The following SMAD9 variants were observed in gnomAD, a reference collection of about 807,000 sequenced individuals.
The protein encoded by SMAD9 is SMAD family member 9.
Under a neutral mutation model 46.1 loss-of-function variants are expected in SMAD9, and 36 were observed. That is an observed-to-expected ratio of 0.78 (90% CI 0.60 to 1.03). The LOEUF (loss-of-function observed/expected upper bound fraction) is 1.03. Ranked by LOEUF, SMAD9 falls within the 50% of genes least tolerant of loss-of-function variation. SMAD9 has a pLI of 0.00. For missense variants in SMAD9, 572 were observed against 599.8 expected (o/e 0.95, Z 0.48); for synonymous variants, 245 against 237.1 (o/e 1.03, Z -0.31).
chr13:36,894,656 C>T (rs567148432), intron 1 of SMAD9, among the ~76,000 whole-genome samples: 11 of 152,208 alleles, frequency 7.2e-5, no homozygotes, highest in Middle Eastern at 3.4e-3. Flanking sequence ...TCTTCCTCTC[C>T]CCTCTTTTAG....
intron 1 of SMAD9, among the ~76,000 whole-genome samples, chr13:36,900,625 T>C (rs1298990568): frequency 6.6e-6 from 1 of 151,292 alleles, no homozygotes; most frequent in Non-Finnish European, 1.5e-5. Flanking sequence ...TACCTTACTA[T>C]CAACCTTTCC....
chr13:36,876,609 C>T (rs1013975682), intron 2 of SMAD9, among the ~76,000 whole-genome samples: 4 of 152,086 alleles, frequency 2.6e-5, no homozygotes, highest in Middle Eastern at 3.4e-3. Context: ...TAAAAGTGTT[C>T]GTTTGAAGGA....
intron 1 of SMAD9, among the ~76,000 whole-genome samples, chr13:36,885,852 T>TA (rs1355280794): frequency 6.6e-6 from 1 of 151,816 alleles, no homozygotes. Flanking sequence ...CCAAAAAGGT[T>TA]AAAAAAACAA....
chr13:36,894,748 C>T (rs1324409239), intron 1 of SMAD9, among the ~76,000 whole-genome samples: 1 of 152,112 alleles, frequency 6.6e-6, no homozygotes, highest in Non-Finnish European at 1.5e-5. Context: ...TGTGTGGCAT[C>T]ATGCTGATTG....
chr13:36,853,623 GTCAC>G lies in SMAD9; in HGVS notation c.1052_1055del (p.Ser351ThrfsTer57). The G allele has an allele frequency of 6.2e-7, 1 of 1,614,080 alleles. No homozygotes were observed. The highest frequency in any genetic ancestry group is 8.5e-7 in the Non-Finnish European group (1 of 1,179,974). ...TCCGGCTCTGCACAAAGATGCTGCTGTCACTCACGCACTCGGCATACACCTCTCC... is the reference window on the plus strand; with the variant it reads ...TCCGGCTCTGCACAAAGATGCTGCTGTCACGCACTCGGCATACACCTCTCC... On this transcript the variant is annotated frameshift_variant, in exon 6 of 7. Transcript: ENST00000379826. LOFTEE classifies it high-confidence loss of function.
chr13:36,911,619 G>GCC (rs1566042965), intron 1 of SMAD9, among the ~76,000 whole-genome samples: 2 of 61,040 alleles, frequency 3.3e-5, no homozygotes, highest in African/African-American at 2.5e-4. Flanking sequence ...GCTGCCTGGG[G>GCC]GGGGGGGGGG....
intron 5 of SMAD9, among the ~76,000 whole-genome samples, chr13:36,857,178 T>C (rs371754059): frequency 3.3e-5 from 5 of 150,232 alleles, no homozygotes; most frequent in African/African-American, 1.0e-4. Flanking sequence ...ATTCTGACAG[T>C]TCTGTATGAA....
At chr13:36,901,805 G>A (rs1178689113) in intron 1 of SMAD9, among the ~76,000 whole-genome samples, 11 of 152,098 alleles carry the variant, frequency 7.2e-5, no homozygotes, top group Non-Finnish European at 1.3e-4. Context: ...TGTCTTCTTT[G>A]GAAAAATATC....
Position 36,848,262 on chromosome 13 carries a change from ATC to A in SMAD9, c.*412_*413del. On this transcript the variant is annotated 3_prime_UTR_variant, in exon 7 of 7. Coordinates refer to ENST00000379826, the MANE Select transcript of SMAD9 (RefSeq NM_001127217.3). ...TGTAGGGGTTTCACTGCTTTGTTTC[ATC>A]TGAGTGATATTTGCTTTAGTGCTGC... 1 of 186,434 alleles carries A rather than the reference ATC, an allele frequency of 5.4e-6. No homozygotes were observed. Among genetic ancestry groups the A allele is most frequent in the Admixed American group, 5.5e-5 (1 of 18,286 alleles). 11.5% of individuals were successfully genotyped at this position (186,434 alleles called of 1,614,324 possible). A position where few individuals can be genotyped will look rare whatever the true frequency, so the allele number is the denominator to read the frequency against.
intron 1 of SMAD9, among the ~76,000 whole-genome samples, chr13:36,911,689 C>T (rs980074814): frequency 2.0e-5 from 3 of 147,384 alleles, no homozygotes; most frequent in Admixed American, 6.9e-5. Context: ...AACTGCTGTT[C>T]GGGGAAGCTC....
intron 1 of SMAD9, among the ~76,000 whole-genome samples, chr13:36,917,060 A>G (rs2058703805): frequency 6.6e-6 from 1 of 152,126 alleles, no homozygotes; most frequent in Non-Finnish European, 1.5e-5. Flanking sequence ...AGGAGAGCAG[A>G]ATACAAGTCA....
chr13:36,879,133 C>T, intron 2 of SMAD9, 145 bp downstream of exon 2: 1 of 717,220 alleles, frequency 1.4e-6, no homozygotes, highest in Non-Finnish European at 2.3e-6. Flanking sequence ...TTGGACGAGT[C>T]CCTCAAAACT....
At position 36,848,725 on chromosome 13, in the gene SMAD9, A is replaced by C. The variant is rs775335117; in HGVS notation, c.1355T>G (p.Val452Gly). The C allele has an allele frequency of 4.3e-6, 7 of 1,614,182 alleles. No homozygotes were observed. Among genetic ancestry groups the C allele is most frequent in the Non-Finnish European group, 5.9e-6 (7 of 1,180,004 alleles). The change falls in exon 7 of 7, where the codon GTT becomes GGT. Residue 452 changes from valine to glycine, a missense_variant. Physicochemically the swap from Val to Gly is moderately radical, Grantham distance 109 (BLOSUM62 -3). Coordinates refer to ENST00000379826, the MANE Select transcript of SMAD9 (RefSeq NM_001127217.3). ...LHGPLQWLDK[V>G]LTQMGSPHNP... The stretch of plus-strand genomic sequence containing the variant: ...ATGTGGAGAGCCCATCTGAGTCAGA[A>C]CTTTGTCCAGCCACTGCAGTGGCCC...
Position 36,865,548 on chromosome 13 carries a change from T to C in SMAD9, c.992A>G (p.His331Arg). 6.2e-7 allele frequency: 1 copy of C among 1,612,766 alleles called. No individual in the cohort carries two copies. The highest frequency in any genetic ancestry group is 8.5e-7 in the Non-Finnish European group (1 of 1,178,840). ...ATCTTTGCTCTTACCCTTTCCTATA[T>C]GTCTCCTGGTATTTTCTATCGTTGA... ...RNSTIENTRR[H>R]IGKGVHLYYV... Residue 331 changes from histidine to arginine, a missense_variant, in exon 5 of 7, where the codon CAT (histidine) becomes CGT (arginine). Transcript: ENST00000379826.
chr13:36,879,838 T>C lies in SMAD9; in HGVS notation c.-149A>G, dbSNP rs1593590500. On this transcript the variant is annotated 5_prime_UTR_variant, in exon 2 of 7. Coordinates refer to ENST00000379826, the MANE Select transcript of SMAD9 (RefSeq NM_001127217.3). ...GGACCAATTCAAGTTGCGAAGTGTGTTGACTTTCTCCTAAGCCCTTGAACA... is the reference window on the plus strand; with the variant it reads ...GGACCAATTCAAGTTGCGAAGTGTGCTGACTTTCTCCTAAGCCCTTGAACA... 1 of 802,580 alleles carries C rather than the reference T, an allele frequency of 1.2e-6. No individual in the cohort carries two copies. Among genetic ancestry groups the C allele is most frequent in the African/African-American group, 1.7e-5 (1 of 59,134 alleles). 49.7% of individuals were successfully genotyped at this position (802,580 alleles called of 1,614,324 possible). A position where few individuals can be genotyped will look rare whatever the true frequency, so the allele number is the denominator to read the frequency against.
At chr13:36,859,733 G>C (rs1313588785) in intron 5 of SMAD9, among the ~76,000 whole-genome samples, 2 of 152,178 alleles carry the variant, frequency 1.3e-5, no homozygotes, top group Non-Finnish European at 2.9e-5. Flanking sequence ...AGCCGAGGCG[G>C]GTGGATTGCC....
chr13:36,881,117 C>G (rs937464503), intron 1 of SMAD9, among the ~76,000 whole-genome samples: 2 of 152,218 alleles, frequency 1.3e-5, no homozygotes, highest in African/African-American at 2.4e-5. Flanking sequence ...CTTCTTTGCC[C>G]TGTCATCCAC....
chr13:36,877,464 GT>G (rs533368716), intron 2 of SMAD9, among the ~76,000 whole-genome samples: 5 of 152,226 alleles, frequency 3.3e-5, no homozygotes, highest in African/African-American at 9.6e-5. Flanking sequence ...CTTACAAGTT[GT>G]TAAATTTTAC....
At chr13:36,920,480 C>G (rs894757512), upstream of SMAD9, among the ~76,000 whole-genome samples, 4 of 151,860 alleles carry the variant, frequency 2.6e-5, no homozygotes, top group Non-Finnish European at 4.4e-5. Flanking sequence ...CGGCTCGGTT[C>G]CCGCCTCTTC....
Sources: gnomAD v4.1 joint callset for allele counts (sites outside exome capture counted in the v4.1 genomes callset) on GRCh38, gnomAD v4.1.1 for gene constraint, MANE v1.5 for transcripts, NCBI Gene and HGNC (gene_info 2026-07-23, HGNC 2026-07-21) for gene names.